The following NBAS variants were observed in gnomAD, a reference collection of about 807,000 sequenced individuals.
NBAS encodes the protein NBAS subunit of NRZ tethering complex.
A neutral mutation model predicts 302.5 loss-of-function variants in NBAS; 219 were observed. That is an observed-to-expected ratio of 0.72 (90% CI 0.65 to 0.81). The LOEUF (loss-of-function observed/expected upper bound fraction) is 0.81. Among genes scored for constraint, NBAS ranks in the 30% least tolerant of loss-of-function variants. The pLI is 0.00. For synonymous variants in NBAS, 1,118 were observed against 1,021.6 expected (o/e 1.09, Z -1.80); for missense variants, 2,932 against 2,841.6 (o/e 1.03, Z -0.72).
intron 25 of NBAS, among the ~76,000 whole-genome samples, chr2:15,413,587 G>A (rs564598661): frequency 6.6e-6 from 1 of 152,222 alleles, no homozygotes; most frequent in African/African-American, 2.4e-5. Flanking sequence ...GGAGGGCCAT[G>A]AGTGAAACAG....
At chr2:15,208,703 G>A (rs1461063762) in intron 48 of NBAS, among the ~76,000 whole-genome samples, 8 of 151,822 alleles carry the variant, frequency 5.3e-5, no homozygotes, top group African/African-American at 1.9e-4. Flanking sequence ...ATCAAGCAGT[G>A]GCCCAATGAA....
chr2:15,357,823 C>A (rs1673699113), intron 32 of NBAS, among the ~76,000 whole-genome samples: 1 of 152,148 alleles, frequency 6.6e-6, no homozygotes, highest in Non-Finnish European at 1.5e-5. Context: ...CCCCTTCAAG[C>A]ATTTTTTCTT....
At chr2:15,101,513 T>C in the NBAS span, among the ~76,000 whole-genome samples, 49,751 of 151,636 alleles carry the variant, frequency 0.33, 8,585 homozygotes, top group African/African-American at 0.42. Context: ...TATATAGTAA[T>C]AGATATAAAT....
At chr2:14,779,544 C>G in the NBAS span, among the ~76,000 whole-genome samples, 8 of 152,150 alleles carry the variant, frequency 5.3e-5, no homozygotes, top group Non-Finnish European at 1.0e-4. Flanking sequence ...CAGGCTGGCT[C>G]CCACCCCAGT....
At chr2:14,908,031 T>C in the NBAS span, among the ~76,000 whole-genome samples, 2 of 152,218 alleles carry the variant, frequency 1.3e-5, no homozygotes. Context: ...AGGCCCACCC[T>C]GGACATGAAT....
chr2:15,247,791 A>G (rs1668171650), intron 44 of NBAS, among the ~76,000 whole-genome samples: 1 of 151,768 alleles, frequency 6.6e-6, no homozygotes, highest in East Asian at 1.9e-4. Flanking sequence ...ACCAATGACA[A>G]TACGGGCTCA....
At chr2:15,360,579 G>T (rs1038057697) in intron 32 of NBAS, among the ~76,000 whole-genome samples, 1 of 150,224 alleles carries the variant, frequency 6.7e-6, no homozygotes, top group Non-Finnish European at 1.5e-5. Context: ...GGAACTCCTG[G>T]CCTCAAGTGA....
At chr2:15,131,238 C>A in the NBAS span, among the ~76,000 whole-genome samples, 1 of 151,556 alleles carries the variant, frequency 6.6e-6, no homozygotes, top group African/African-American at 2.4e-5. Flanking sequence ...CCTTTCCAGC[C>A]TCCTCATATG....
At chr2:15,160,984 T>C in the NBAS span, among the ~76,000 whole-genome samples, 4 of 152,334 alleles carry the variant, frequency 2.6e-5, no homozygotes, top group East Asian at 7.7e-4. Context: ...AGGAGATAAC[T>C]GGATGCTGCC....
In NBAS at chr2:15,427,954, ATAAAT is replaced by A. The variant is rs572490704; in HGVS notation, c.2340-165_2340-161del. Among the ~76,000 whole-genome samples, 774 of 152,368 alleles carry A rather than the reference ATAAAT, an allele frequency of 5.1e-3. 3 individuals are homozygous for A. The highest frequency in any genetic ancestry group is 0.017 in the African/African-American group (688 of 41,584). On this transcript the variant is annotated intron_variant, in intron 21 of 51. Coordinates refer to ENST00000281513, the MANE Select transcript of NBAS (RefSeq NM_015909.4). ...AGGATACATATTATATACATACTAT[ATAAAT>A]GGGAAATACCATATTGCTGAATCAT...
chr2:15,054,422 C>T, the NBAS span, among the ~76,000 whole-genome samples: 1 of 152,226 alleles, frequency 6.6e-6, no homozygotes, highest in Non-Finnish European at 1.5e-5. Context: ...GTGATCACAA[C>T]TGCCCACTTT....
chr2:15,118,425 C>T, the NBAS span, among the ~76,000 whole-genome samples: 1 of 152,164 alleles, frequency 6.6e-6, no homozygotes, highest in African/African-American at 2.4e-5. Flanking sequence ...CTCTGTGAGC[C>T]ACCATGCCCA....
intron 25 of NBAS, among the ~76,000 whole-genome samples, chr2:15,413,763 T>C (rs138150988): frequency 6.6e-6 from 1 of 152,272 alleles, no homozygotes; most frequent in Non-Finnish European, 1.5e-5. Flanking sequence ...CCGCAGATCA[T>C]GACATGATCA....
the NBAS span, among the ~76,000 whole-genome samples, chr2:15,070,294 C>T: frequency 3.3e-5 from 5 of 152,098 alleles, no homozygotes; most frequent in Non-Finnish European, 5.9e-5. Context: ...GAGGATAGAC[C>T]ACAGCTCTTT....
At chr2:15,185,703 A>G (rs1367991017) in intron 50 of NBAS, among the ~76,000 whole-genome samples, 1 of 152,160 alleles carries the variant, frequency 6.6e-6, no homozygotes, top group Non-Finnish European at 1.5e-5. Context: ...TGGTGCTGGT[A>G]CTTTATTTTG....
chr2:15,125,421 GAACT>G, the NBAS span, among the ~76,000 whole-genome samples: 1 of 152,232 alleles, frequency 6.6e-6, no homozygotes, highest in Non-Finnish European at 1.5e-5. Flanking sequence ...GATCTCACAA[GAACT>G]TACTCACTAT....
chr2:15,486,077 G>A (rs1469107016), intron 12 of NBAS, among the ~76,000 whole-genome samples: 1 of 152,148 alleles, frequency 6.6e-6, no homozygotes, highest in Admixed American at 6.5e-5. Flanking sequence ...CCCGGCCTGT[G>A]CTGTGATGAA....
At chr2:15,511,422 AC>A in intron 9 of NBAS, 72 bp from the exon 10 acceptor site, 2 of 1,412,130 alleles carry the variant, frequency 1.4e-6, no homozygotes, top group Non-Finnish European at 2.0e-6. Context: ...GAGAGCAGAA[AC>A]AGTCACCTTG....
Position 15,463,954 on chromosome 2 carries a change from C to T in NBAS, c.2098-2163G>A, listed in dbSNP as rs377479577. On this transcript the variant is annotated intron_variant, in intron 19 of 51. Transcript: ENST00000281513. ...ATATTTATGGGTGAAATAAGATATACGGGCTTTGCTTTAAAATATTTAGTG... is the reference window on the plus strand; with the variant it reads ...ATATTTATGGGTGAAATAAGATATATGGGCTTTGCTTTAAAATATTTAGTG... Among the ~76,000 whole-genome samples, 43 of 152,094 alleles carry T rather than the reference C, an allele frequency of 2.8e-4. No homozygotes were observed. The South Asian group carries it at 8.5e-3, about 30-fold the overall frequency.
Sources: gnomAD v4.1 joint callset for allele counts (sites outside exome capture counted in the v4.1 genomes callset) on GRCh38, gnomAD v4.1.1 for gene constraint, MANE v1.5 for transcripts, NCBI Gene and HGNC (gene_info 2026-07-23, HGNC 2026-07-21) for gene names.